SPATA6: variants seen among roughly 807,000 people sequenced by gnomAD.
The protein encoded by SPATA6 is spermatogenesis-associated protein 6.
Under a neutral mutation model 65.3 loss-of-function variants are expected in SPATA6, and 56 were observed. The observed-to-expected ratio is 0.86, with a 90% confidence interval of 0.69 to 1.07. SPATA6 has a LOEUF of 1.07. Ranked by LOEUF, SPATA6 falls within the 50% of genes least tolerant of loss-of-function variation. The pLI is 0.00. For synonymous variants in SPATA6, 199 were observed against 213.2 expected, an observed-to-expected ratio of 0.93 and a Z score of 0.58; for missense variants, 590 against 594.8, an observed-to-expected ratio of 0.99 and a Z score of 0.08.
chr1:48,368,252 T>G (rs1647099167), intron 9 of SPATA6, among the ~76,000 whole-genome samples: 1 of 152,170 alleles, frequency 6.6e-6, no homozygotes, highest in Admixed American at 6.5e-5. Context: ...TAAACTTTGG[T>G]GAATCTGACA....
chr1:48,469,685 C>G (rs375046902), intron 1 of SPATA6, among the ~76,000 whole-genome samples: 8 of 151,692 alleles, frequency 5.3e-5, no homozygotes, highest in African/African-American at 1.7e-4. Context: ...AAGAAAGGAA[C>G]TAAAATCAAA....
At chr1:48,283,547 C>G in the SPATA6 span, among the ~76,000 whole-genome samples, 2 of 150,320 alleles carry the variant, frequency 1.3e-5, no homozygotes, top group East Asian at 3.9e-4. Flanking sequence ...GGCATGGTGG[C>G]AGGTGCTTGT....
intron 3 of SPATA6, among the ~76,000 whole-genome samples, chr1:48,434,789 G>C (rs1243208782): frequency 6.6e-6 from 1 of 152,044 alleles, no homozygotes; most frequent in Non-Finnish European, 1.5e-5. Context: ...CTATGAAATA[G>C]AAAACTTTTT....
At chr1:48,456,280 G>A (rs1455198313) in intron 1 of SPATA6, among the ~76,000 whole-genome samples, 1 of 152,176 alleles carries the variant, frequency 6.6e-6, no homozygotes, top group East Asian at 1.9e-4. Context: ...AGCTAATTGA[G>A]CAAAGCCATC....
chr1:48,436,288 G>A (rs925558666), intron 3 of SPATA6: 147 of 1,613,640 alleles, frequency 9.1e-5, no homozygotes, highest in Admixed American at 2.0e-4. Flanking sequence ...ACAGAAAGCC[G>A]TGATTCTATC....
intron 2 of SPATA6, 52 bp from the exon 3 acceptor site, chr1:48,451,652 T>TC: frequency 2.6e-6 from 4 of 1,529,484 alleles, no homozygotes; most frequent in Non-Finnish European, 3.5e-6. Flanking sequence ...ATATTTTTTT[T>TC]CTCCCTTCAT....
chr1:48,420,348 C>T (rs1246396284), intron 3 of SPATA6, among the ~76,000 whole-genome samples: 3 of 152,158 alleles, frequency 2.0e-5, no homozygotes, highest in Non-Finnish European at 2.9e-5. Flanking sequence ...CTCTGAGCTT[C>T]GTAAGCTGCT....
At chr1:48,335,836 G>A (rs1018737064) in intron 11 of SPATA6, among the ~76,000 whole-genome samples, 5 of 152,102 alleles carry the variant, frequency 3.3e-5, no homozygotes, top group Admixed American at 3.3e-4. Context: ...TATTAACAAA[G>A]TAAACAGACA....
At chr1:48,317,112 C>T (rs1159629629) in intron 11 of SPATA6, among the ~76,000 whole-genome samples, 1 of 152,214 alleles carries the variant, frequency 6.6e-6, no homozygotes, top group Non-Finnish European at 1.5e-5. Flanking sequence ...TTGTGGAGGT[C>T]AGTGTGGTGA....
At chr1:48,313,190 AG>A (rs1265050455) in intron 11 of SPATA6, among the ~76,000 whole-genome samples, 1 of 152,216 alleles carries the variant, frequency 6.6e-6, no homozygotes, top group African/African-American at 2.4e-5. Flanking sequence ...GGAAATACAG[AG>A]AATGCCACAA....
chr1:48,287,123 G>A, the SPATA6 span, among the ~76,000 whole-genome samples: 1 of 152,078 alleles, frequency 6.6e-6, no homozygotes, highest in Non-Finnish European at 1.5e-5. Context: ...TTCTGGGGAG[G>A]CCTCAGGAAG....
At position 48,399,399 on chromosome 1, in the gene SPATA6, G is replaced by T. The variant is rs1428515518; in HGVS notation, c.732C>A (p.Pro244=). 1 of 1,612,856 alleles carries T rather than the reference G, an allele frequency of 6.2e-7. No homozygotes were observed. Among genetic ancestry groups the T allele is most frequent in the Non-Finnish European group, 8.5e-7 (1 of 1,179,372 alleles). ...TATCTGTTTCTTTTTTGAACTCATA[G>T]GGTCCCAGATTTAAATGGGCCAGCC... The part of the protein sequence containing the change: ...RRRLAHLNLG[P]YEFKKETDKP... The change falls in exon 7 of 13, where the codon CCC becomes CCA. Residue 244 remains proline (P), a synonymous_variant. Coordinates refer to ENST00000371847, the MANE Select transcript of SPATA6 (RefSeq NM_019073.4).
At chr1:48,392,801 T>G (rs1650201110) in intron 8 of SPATA6, among the ~76,000 whole-genome samples, 1 of 151,970 alleles carries the variant, frequency 6.6e-6, no homozygotes, top group Non-Finnish European at 1.5e-5. Flanking sequence ...AAATCAAAAG[T>G]GAAAATTCAC....
rs757483075 is a variant in SPATA6 at position 48,298,272 on chromosome 1, G to C, written c.*441C>G. 1.3e-5 allele frequency: 2 copies of C among 152,650 alleles called. No individual in the cohort carries two copies. The highest frequency in any genetic ancestry group is 2.9e-5 in the Non-Finnish European group (2 of 68,414). 9.5% of individuals were successfully genotyped at this position (152,650 alleles called of 1,614,324 possible). ...CCCTTAGGAAATTCATTTCTGTATA[G>C]GATATCATTTTGTTCATCACCAAGA... On this transcript the variant is annotated 3_prime_UTR_variant, in exon 13 of 13. Coordinates refer to ENST00000371847, the MANE Select transcript of SPATA6 (RefSeq NM_019073.4).
chr1:48,367,036 C>T (rs1647042987), intron 9 of SPATA6, among the ~76,000 whole-genome samples: 1 of 152,016 alleles, frequency 6.6e-6, no homozygotes, highest in Non-Finnish European at 1.5e-5. Context: ...TTTATTTCTG[C>T]CTTCATTTCA....
At chr1:48,384,836 A>C (rs755335165) in intron 9 of SPATA6, among the ~76,000 whole-genome samples, 3 of 152,230 alleles carry the variant, frequency 2.0e-5, no homozygotes, top group Non-Finnish European at 4.4e-5. Context: ...TCATACATGT[A>C]AAGCATGTGA....
intron 3 of SPATA6, among the ~76,000 whole-genome samples, chr1:48,413,835 C>T (rs2787883): frequency 0.98 from 148,830 of 152,272 alleles, 72,822 homozygotes; most frequent in East Asian, 1. Context: ...ATATGTATTA[C>T]ATACTGTATT....
At chr1:48,418,586 G>C (rs1253864490) in intron 3 of SPATA6, among the ~76,000 whole-genome samples, 2 of 145,598 alleles carry the variant, frequency 1.4e-5, no homozygotes, top group Non-Finnish European at 3.0e-5. Flanking sequence ...AAATTAGCTG[G>C]GCCTGGTGGC....
chr1:48,404,306 C>T (rs1382237611), intron 5 of SPATA6, among the ~76,000 whole-genome samples: 4 of 152,106 alleles, frequency 2.6e-5, no homozygotes, highest in Non-Finnish European at 2.9e-5. Flanking sequence ...ACAACGTATA[C>T]ATATATCAAA....
Sources: allele counts gnomAD v4.1 joint callset (sites outside exome capture counted in the v4.1 genomes callset), GRCh38; gene constraint gnomAD v4.1.1; transcripts MANE v1.5; gene names NCBI Gene and HGNC (gene_info 2026-07-23, HGNC 2026-07-21).